PDZRN4: variants seen among roughly 807,000 people sequenced by gnomAD.
The protein encoded by PDZRN4 is PDZ domain-containing RING finger protein 4.
Under a neutral mutation model 99.0 loss-of-function variants are expected in PDZRN4, and 70 were observed. That is an observed-to-expected ratio of 0.71 (90% CI 0.58 to 0.86). The LOEUF (loss-of-function observed/expected upper bound fraction) is 0.86. PDZRN4 is among the 40% of genes least tolerant of loss of function. The pLI is 0.00. For missense variants in PDZRN4, 1,474 were observed against 1,331.2 expected (o/e 1.11, Z -1.67); for synonymous variants, 551 against 501.6 (o/e 1.10, Z -1.32).
chr12:41,516,789 C>T (rs990421103), intron 5 of PDZRN4, among the ~76,000 whole-genome samples: 5 of 149,500 alleles, frequency 3.3e-5, no homozygotes, highest in East Asian at 2.0e-4. Flanking sequence ...TTTTTACTTT[C>T]GAAAGTATCC....
intron 5 of PDZRN4, among the ~76,000 whole-genome samples, chr12:41,532,676 C>T (rs975133203): frequency 5.3e-5 from 8 of 152,106 alleles, no homozygotes; most frequent in Non-Finnish European, 8.8e-5. Context: ...GTACAGACTT[C>T]GGAAATCCCA....
chr12:41,388,675 A>G (rs1166087268), intron 3 of PDZRN4, among the ~76,000 whole-genome samples: 1 of 152,210 alleles, frequency 6.6e-6, no homozygotes, highest in Admixed American at 6.5e-5. Flanking sequence ...AGAAATGTTC[A>G]GAAACAGCAT....
chr12:41,434,016 G>A (rs1239241883), intron 3 of PDZRN4, among the ~76,000 whole-genome samples: 1 of 152,130 alleles, frequency 6.6e-6, no homozygotes, highest in African/African-American at 2.4e-5. Flanking sequence ...TTCCTAAAGA[G>A]TAACCACCAT....
At chr12:41,477,292 A>G (rs1014747442) in intron 3 of PDZRN4, among the ~76,000 whole-genome samples, 1 of 152,220 alleles carries the variant, frequency 6.6e-6, no homozygotes, top group Non-Finnish European at 1.5e-5. Flanking sequence ...CAATTTGACC[A>G]TAAATTTGGC....
At chr12:41,386,852 C>T (rs1565568973) in intron 3 of PDZRN4, among the ~76,000 whole-genome samples, 1 of 152,110 alleles carries the variant, frequency 6.6e-6, no homozygotes, top group African/African-American at 2.4e-5. Flanking sequence ...TTCATCAAAC[C>T]TAACAAAAAC....
chr12:41,285,011 T>C lies in PDZRN4; in HGVS notation c.843+90823T>C, dbSNP rs183899558. 3.4e-3 allele frequency among the ~76,000 whole-genome samples: 514 copies of C among 152,154 alleles called. 5 individuals are homozygous for C. Among genetic ancestry groups the C allele is most frequent in the Non-Finnish European group, 4.1e-3 (282 of 67,996 alleles). ...AAAAAGCCAAAATAGACAAATGGGA[T>C]GTAATTAAACTAAAGAGCTTCTGTA... On this transcript the variant is annotated intron_variant, in intron 3 of 9. Transcript: ENST00000402685.
At chr12:41,370,541 G>T (rs1484665770) in intron 3 of PDZRN4, among the ~76,000 whole-genome samples, 4 of 151,876 alleles carry the variant, frequency 2.6e-5, no homozygotes, top group African/African-American at 7.2e-5. Flanking sequence ...ACTATGTCTA[G>T]AGTGTGATTT....
At chr12:41,468,618 C>A (rs1348345800) in intron 3 of PDZRN4, among the ~76,000 whole-genome samples, 2 of 152,150 alleles carry the variant, frequency 1.3e-5, no homozygotes, top group African/African-American at 4.8e-5. Context: ...CAAGTAAATT[C>A]CCTGCCTGCT....
intron 3 of PDZRN4, among the ~76,000 whole-genome samples, chr12:41,426,301 A>G (rs576484366): frequency 8.1e-4 from 123 of 152,272 alleles, no homozygotes; most frequent in African/African-American, 2.3e-3. Flanking sequence ...AACTGATCCT[A>G]GAAGCTAAAT....
Position 41,477,838 on chromosome 12 carries a change from T to C in PDZRN4, c.844-28618T>C, listed in dbSNP as rs897708642. 11 of 1,439,550 alleles carry C rather than the reference T, an allele frequency of 7.6e-6. No individual in the cohort carries two copies. The African/African-American group carries it at 1.5e-4, about 20-fold the overall frequency. 89.2% of individuals were successfully genotyped at this position (1,439,550 alleles called of 1,614,324 possible). ...AATGATTTTGATTATGAAATGCTTA[T>C]CTTTGGATTTTTCTTGCATTTTTCA... is the stretch of plus-strand genomic sequence containing the variant. On this transcript the variant is annotated intron_variant, in intron 3 of 9. Coordinates refer to ENST00000402685, the MANE Select transcript of PDZRN4 (RefSeq NM_001164595.2).
chr12:41,573,845 T>A lies in PDZRN4; in HGVS notation c.3066T>A (p.Asp1022Glu). Residue 1022 changes from aspartate (D) to glutamate (E), a missense_variant, in exon 10 of 10, where the codon GAT becomes GAA. Coordinates refer to ENST00000402685, the MANE Select transcript of PDZRN4 (RefSeq NM_001164595.2). ...TGACCCATGGGGCCAAGTCTCCAGATGGCACGAGAGTCCATAATGCCTTCT... is the reference window on the plus strand; with the variant it reads ...TGACCCATGGGGCCAAGTCTCCAGAAGGCACGAGAGTCCATAATGCCTTCT... ...ELMTHGAKSP[D>E]GTRVHNAFLS... The A allele has an allele frequency of 6.3e-7, 1 of 1,599,400 alleles. No homozygotes were observed. Among genetic ancestry groups the A allele is most frequent in the Non-Finnish European group, 8.5e-7 (1 of 1,174,034 alleles).
At chr12:41,467,472 TC>T (rs1214893862) in intron 3 of PDZRN4, among the ~76,000 whole-genome samples, 1 of 152,172 alleles carries the variant, frequency 6.6e-6, no homozygotes, top group African/African-American at 2.4e-5. Context: ...TTTATTCCTA[TC>T]CTACTCAATA....
At chr12:41,391,083 G>T (rs912098173) in intron 3 of PDZRN4, among the ~76,000 whole-genome samples, 5 of 152,062 alleles carry the variant, frequency 3.3e-5, no homozygotes, top group African/African-American at 1.2e-4. Flanking sequence ...TTGGTTTCTT[G>T]TTAAAATTCC....
chr12:41,480,931 T>C (rs1000708884), intron 3 of PDZRN4, among the ~76,000 whole-genome samples: 4 of 151,642 alleles, frequency 2.6e-5, no homozygotes, highest in Admixed American at 6.6e-5. Context: ...ACATGTCAGA[T>C]AAATTAAGTA....
Position 41,188,949 on chromosome 12 carries a change from T to A in PDZRN4, c.494T>A (p.Leu165His). Reference sequence around the variant, plus strand: ...GGGCGGGGACCCGGGCCTCGGGTCCTCGCCTGGAGGCGGCGCGAGAAGGCG... The same window carrying A: ...GGGCGGGGACCCGGGCCTCGGGTCCACGCCTGGAGGCGGCGCGAGAAGGCG... The part of the protein sequence containing the change: ...GRGRGPGPRV[L>H]AWRRREKALL... Residue 165 changes from leucine to histidine, a missense_variant, in exon 1 of 10, where the codon CTC becomes CAC. By Grantham distance (99) the Leu-to-His change is moderately conservative. Coordinates refer to ENST00000402685, the MANE Select transcript of PDZRN4 (RefSeq NM_001164595.2). The A allele has an allele frequency of 7.1e-7, 1 of 1,414,770 alleles. No homozygotes were observed. Among genetic ancestry groups the A allele is most frequent in the Non-Finnish European group, 9.2e-7 (1 of 1,083,708 alleles). 87.6% of individuals were successfully genotyped at this position (1,414,770 alleles called of 1,614,324 possible).
intron 3 of PDZRN4, among the ~76,000 whole-genome samples, chr12:41,196,963 A>G (rs1950777431): frequency 6.6e-6 from 1 of 152,118 alleles, no homozygotes; most frequent in Non-Finnish European, 1.5e-5. Context: ...AAAGGGTACA[A>G]ACTAGTTCAT....
At chr12:41,209,365 C>T (rs56089800) in intron 3 of PDZRN4, among the ~76,000 whole-genome samples, 7,469 of 150,348 alleles carry the variant, frequency 0.05, 201 homozygotes, top group African/African-American at 0.057. Flanking sequence ...TTTTATTATA[C>T]TTTAAGTCTT....
chr12:41,438,086 T>C (rs902506054), intron 3 of PDZRN4: 2 of 1,506,362 alleles, frequency 1.3e-6, no homozygotes, highest in African/African-American at 2.8e-5. Flanking sequence ...AAATGAATTC[T>C]GGCTAGCTTT....
intron 3 of PDZRN4, among the ~76,000 whole-genome samples, chr12:41,310,793 A>C (rs995874374): frequency 6.6e-6 from 1 of 152,208 alleles, no homozygotes; most frequent in African/African-American, 2.4e-5. Context: ...ATATTTTGTC[A>C]CTTTCTTTAG....
Sources: gnomAD v4.1 joint callset for allele counts (sites outside exome capture counted in the v4.1 genomes callset) on GRCh38, gnomAD v4.1.1 for gene constraint, MANE v1.5 for transcripts, NCBI Gene and HGNC (gene_info 2026-07-23, HGNC 2026-07-21) for gene names.